Variants in ZNF488 observed in about 807,000 individuals in gnomAD.
The protein encoded by ZNF488 is zinc finger protein 488.
Under a neutral mutation model 1.2 loss-of-function variants are expected in ZNF488, and 1 was observed. The observed-to-expected ratio is 0.86, with a 90% confidence interval of 0.30 to 4.07. The LOEUF is 4.07. Ranked by LOEUF, ZNF488 falls within the 30% of genes most tolerant of loss-of-function variation. The pLI, the probability that ZNF488 is intolerant of heterozygous loss-of-function variation, is 0.18. For missense variants in ZNF488, 450 were observed against 437.9 expected (o/e 1.03, Z -0.25); for synonymous variants, 185 against 190.1 (o/e 0.97, Z 0.22).
At chr10:47,379,000 T>C (rs576082884) in intron 1 of ZNF488, among the ~76,000 whole-genome samples, 21 of 152,334 alleles carry the variant, frequency 1.4e-4, no homozygotes, top group African/African-American at 4.8e-4. Context: ...TCAACCTCTC[T>C]GAGCCTCAGG....
chr10:47,368,229 G>C lies in ZNF488; in HGVS notation c.601C>G (p.Leu201Val), dbSNP rs1555213186. Residue 201 changes from leucine to valine, a missense_variant, in exon 2 of 2, where the codon CTC (leucine) becomes GTC (valine). Physicochemically the swap from Leu to Val is conservative, Grantham distance 32. Coordinates refer to ENST00000585316, the MANE Select transcript of ZNF488 (RefSeq NM_153034.4). ...ELSGLLNTTD[L>V]ACWGRLSTPK... ...GTTGAAAGTCGACCCCAACAAGCGA[G>C]GTCTGTAGTGTTGAGGAGTCCAGAC... 2.5e-6 allele frequency: 4 copies of C among 1,614,202 alleles called. No homozygotes were observed. In the East Asian group the frequency reaches 8.9e-5, roughly 36 times the overall value.
chr10:47,378,684 A>G (rs780305685), intron 1 of ZNF488, among the ~76,000 whole-genome samples: 1 of 152,228 alleles, frequency 6.6e-6, no homozygotes, highest in Non-Finnish European at 1.5e-5. Flanking sequence ...ATGGAGTGAA[A>G]GCATGGGATA....
chr10:47,377,048 T>G (rs1348348516), intron 1 of ZNF488, among the ~76,000 whole-genome samples: 5 of 152,252 alleles, frequency 3.3e-5, no homozygotes, highest in African/African-American at 1.2e-4. Flanking sequence ...TATCACCTAC[T>G]GGACTGTTGG....
At chr10:47,381,804 G>A (rs1837972828) in intron 1 of ZNF488, among the ~76,000 whole-genome samples, 1 of 152,258 alleles carries the variant, frequency 6.6e-6, no homozygotes, top group Non-Finnish European at 1.5e-5. Context: ...AAAGCAGAGG[G>A]CAGATCCAAT....
At chr10:47,383,370 C>A (rs574738540) in intron 1 of ZNF488, among the ~76,000 whole-genome samples, 1 of 152,318 alleles carries the variant, frequency 6.6e-6, no homozygotes, top group South Asian at 2.1e-4. Flanking sequence ...AAAGCCCTGG[C>A]CTCCCACTGT....
chr10:47,374,891 C>A lies in ZNF488; in HGVS notation c.-108-5954G>T, dbSNP rs565590613. Reference sequence around the variant, plus strand: ...TGTGAGGATCTGTGTCAAAGGCCTGCACCCTGGCTGCAAAAGAGTCTGGGA... The same window carrying A: ...TGTGAGGATCTGTGTCAAAGGCCTGAACCCTGGCTGCAAAAGAGTCTGGGA... On this transcript the variant is annotated intron_variant, in intron 1 of 1. Transcript: ENST00000585316. Among the ~76,000 whole-genome samples the A allele has an allele frequency of 1.1e-4, 16 of 152,354 alleles. No individual in the cohort carries two copies. In the East Asian group the frequency reaches 3.1e-3, roughly 29 times the overall value.
chr10:47,376,941 G>A (rs1449402011), intron 1 of ZNF488, among the ~76,000 whole-genome samples: 2 of 152,224 alleles, frequency 1.3e-5, no homozygotes, highest in Non-Finnish European at 2.9e-5. Flanking sequence ...CTGCATCTGC[G>A]AGCTGCTCAC....
intron 1 of ZNF488, among the ~76,000 whole-genome samples, chr10:47,375,062 C>T (rs1376178205): frequency 3.3e-5 from 5 of 152,190 alleles, no homozygotes; most frequent in Non-Finnish European, 7.4e-5. Context: ...GTGGACACAG[C>T]CACGCAATTC....
intron 1 of ZNF488, among the ~76,000 whole-genome samples, chr10:47,370,131 A>T (rs1256743906): frequency 6.6e-6 from 1 of 152,222 alleles, no homozygotes; most frequent in East Asian, 1.9e-4. Context: ...AGACATCCGC[A>T]TGGTGAGAAG....
chr10:47,379,684 A>G (rs975358885), intron 1 of ZNF488, among the ~76,000 whole-genome samples: 2 of 152,276 alleles, frequency 1.3e-5, no homozygotes, highest in Non-Finnish European at 2.9e-5. Context: ...AGCCCCCGCC[A>G]GCTCCTCATG....
rs1837360878 is a variant in ZNF488, at chr10:47,369,012, A to C, written c.-108-75T>G. On this transcript the variant is annotated intron_variant, in intron 1 of 1. Transcript: ENST00000585316. ...GCACAGTGCATCATGAGCTGGCATC[A>C]GACAGGACCCTGATGCTCAGGCCTC... 8.8e-6 allele frequency: 6 copies of C among 679,906 alleles called. No homozygotes were observed. The East Asian group carries it at 1.7e-4, about 20-fold the overall frequency. The allele number at this position is 679,906 out of a possible 1,614,324, so 42.1% of individuals were successfully genotyped here.
intron 1 of ZNF488, among the ~76,000 whole-genome samples, chr10:47,380,774 T>C (rs34720810): frequency 0.072 from 10,940 of 152,032 alleles, 124 homozygotes; most frequent in Middle Eastern, 0.18. Context: ...AGCTCTGCTG[T>C]ATCCAACCTG....
rs781942153 is a variant in ZNF488, at chr10:47,368,704, G to A, written c.126C>T (p.Gly42=). 1.2e-6 allele frequency: 2 copies of A among 1,612,798 alleles called. No individual in the cohort carries two copies. Among genetic ancestry groups the A allele is most frequent in the Non-Finnish European group, 1.7e-6 (2 of 1,180,044 alleles). ...CGAGCAGCACTGGCTTGCAGCCCCGGCCCAGCTCAGGTTCGCTAAGTCGCC... is the reference window on the plus strand; with the variant it reads ...CGAGCAGCACTGGCTTGCAGCCCCGACCCAGCTCAGGTTCGCTAAGTCGCC... ...NRWRLSEPEL[G]RGCKPVLLEK... The change falls in exon 2 of 2, where the codon GGC becomes GGT. Residue 42 remains glycine, a synonymous_variant. Transcript: ENST00000585316.
intron 1 of ZNF488, among the ~76,000 whole-genome samples, chr10:47,378,214 C>A (rs1279903585): frequency 6.6e-6 from 1 of 152,242 alleles, no homozygotes; most frequent in Non-Finnish European, 1.5e-5. Context: ...CAAACTGGAC[C>A]TCCATGGATG....
At chr10:47,371,015 G>A (rs1363542728) in intron 1 of ZNF488, among the ~76,000 whole-genome samples, 1 of 152,204 alleles carries the variant, frequency 6.6e-6, no homozygotes, top group Non-Finnish European at 1.5e-5. Context: ...ACAGAACACA[G>A]GGACCTGCAC....
chr10:47,378,902 C>T (rs1429675374), intron 1 of ZNF488, among the ~76,000 whole-genome samples: 1 of 152,122 alleles, frequency 6.6e-6, no homozygotes, highest in Admixed American at 6.5e-5. Context: ...AGAGGGGGTG[C>T]CTGACGTCAG....
In ZNF488 at chr10:47,367,959, C is replaced by G. The variant is rs1367498702; in HGVS notation, c.871G>C (p.Val291Leu). Reference sequence around the variant, plus strand: ...TTGTGGTGGGATCGCATGTGAAAGACCAGGTCGGACGTTAGGCGAAAGGAC... The same window carrying G: ...TTGTGGTGGGATCGCATGTGAAAGAGCAGGTCGGACGTTAGGCGAAAGGAC... ...NLSFRLTSDL[V>L]FHMRSHHKKE... Residue 291 changes from valine (V) to leucine (L), a missense_variant, in exon 2 of 2, where the codon GTC becomes CTC. Physicochemically the swap from Val to Leu is conservative, Grantham distance 32. Transcript: ENST00000585316. 2.5e-6 allele frequency: 4 copies of G among 1,613,932 alleles called. No individual in the cohort carries two copies. Among genetic ancestry groups the G allele is most frequent in the Non-Finnish European group, 3.4e-6 (4 of 1,180,050 alleles).
intron 1 of ZNF488, among the ~76,000 whole-genome samples, chr10:47,369,874 G>A (rs1370433068): frequency 2.6e-5 from 4 of 152,160 alleles, no homozygotes; most frequent in African/African-American, 9.7e-5. Flanking sequence ...CTTGTTTGTG[G>A]TCTGCTAGAA....
At chr10:47,373,294 C>T (rs80024499) in intron 1 of ZNF488, among the ~76,000 whole-genome samples, 2,171 of 152,280 alleles carry the variant, frequency 0.014, 47 homozygotes, top group African/African-American at 0.049. Flanking sequence ...CCTTGTTATC[C>T]TTCAGAGAGC....
Sources: gnomAD v4.1 joint callset for allele counts (sites outside exome capture counted in the v4.1 genomes callset) on GRCh38, gnomAD v4.1.1 for gene constraint, MANE v1.5 for transcripts, NCBI Gene and HGNC (gene_info 2026-07-23, HGNC 2026-07-21) for gene names.